Variants in YEATS4 observed in about 807,000 individuals in gnomAD.
YEATS4 encodes YEATS domain-containing protein 4.
In YEATS4, 17 loss-of-function variants were observed where a neutral mutation model predicts 30.1. The ratio of observed to expected loss-of-function variants is 0.56; its 90% CI spans 0.39 to 0.85. The LOEUF (loss-of-function observed/expected upper bound fraction) is 0.85, where lower values mean the gene tolerates loss of function less well. Ranked by LOEUF, YEATS4 falls within the 40% of genes least tolerant of loss-of-function variation. YEATS4 has a pLI of 0.00. For missense variants in YEATS4, 142 were observed against 268.3 expected (o/e 0.53, Z 3.29); for synonymous variants, 85 against 87.5 (o/e 0.97, Z 0.16).
Position 69,360,034 on chromosome 12 carries a change from G to A in YEATS4, c.51+11G>A. The A allele has an allele frequency of 6.2e-7, 1 of 1,612,274 alleles. No individual in the cohort carries two copies. Among genetic ancestry groups the A allele is most frequent in the South Asian group, 1.1e-5 (1 of 90,946 alleles). ...GGCGGGAGAGTAAAGGTCAGTGCCC[G>A]GACCGCCCCTCTTCCGGGGTGGCTC... On this transcript the variant is annotated intron_variant, in intron 1 of 6. Coordinates refer to ENST00000247843, the MANE Select transcript of YEATS4 (RefSeq NM_006530.4).
At chr12:69,361,742 A>C (rs1875218737) in intron 1 of YEATS4, among the ~76,000 whole-genome samples, 1 of 152,184 alleles carries the variant, frequency 6.6e-6, no homozygotes, top group South Asian at 2.1e-4. Flanking sequence ...TTCAATTGAA[A>C]TTTTTTATCT....
the YEATS4 span, among the ~76,000 whole-genome samples, chr12:69,416,485 A>G: frequency 6.6e-6 from 1 of 152,146 alleles, no homozygotes; most frequent in African/African-American, 2.4e-5. Flanking sequence ...GGTTATCAGA[A>G]TGGTGTTTCT....
At chr12:69,361,736 A>G (rs1345070272) in intron 1 of YEATS4, among the ~76,000 whole-genome samples, 1 of 152,200 alleles carries the variant, frequency 6.6e-6, no homozygotes, top group African/African-American at 2.4e-5. Context: ...TTTCACTTCA[A>G]TTGAAATTTT....
At chr12:69,364,119 C>G in intron 2 of YEATS4, 1 of 429,412 alleles carries the variant, frequency 2.3e-6, no homozygotes, top group South Asian at 1.6e-5. Context: ...TAAAAATGTT[C>G]TAAAATTGTA....
intron 6 of YEATS4, 96 bp downstream of exon 6, chr12:69,371,071 A>C: frequency 1.7e-6 from 2 of 1,185,868 alleles, no homozygotes; most frequent in Non-Finnish European, 2.3e-6. Context: ...AAAAAATGAA[A>C]TAGGTAAGTT....
At chr12:69,417,860 A>AGG in the YEATS4 span, among the ~76,000 whole-genome samples, 13 of 150,880 alleles carry the variant, frequency 8.6e-5, no homozygotes, top group African/African-American at 2.2e-4. Context: ...AATAGGGAAA[A>AGG]AAAAAAAAAA....
Position 69,374,075 on chromosome 12 carries a change from T to C in YEATS4, c.514+3100T>C, listed in dbSNP as rs160834. ...TCAGGTGATTCCTCCAGTTTTGTTC[T>C]TTTTGCGGAGGATAACTTAGGCTAT... is the stretch of plus-strand genomic sequence containing the variant. On this transcript the variant is annotated intron_variant, in intron 6 of 6. Transcript: ENST00000247843. Among the ~76,000 whole-genome samples, 1,224 of 152,300 alleles carry C rather than the reference T, an allele frequency of 8.0e-3. 19 individuals are homozygous for C. Among genetic ancestry groups the C allele is most frequent in the African/African-American group, 0.028 (1,162 of 41,568 alleles).
chr12:69,413,510 G>GTC, the YEATS4 span, among the ~76,000 whole-genome samples: 1 of 131,012 alleles, frequency 7.6e-6, no homozygotes, highest in East Asian at 2.4e-4. Flanking sequence ...GGTCTTCAAC[G>GTC]CCCCCCCCAT....
the YEATS4 span, among the ~76,000 whole-genome samples, chr12:69,404,360 A>G: frequency 1.9e-4 from 29 of 152,314 alleles, no homozygotes; most frequent in African/African-American, 5.3e-4. Context: ...TTTGGTTGCC[A>G]TTGTGACAGT....
At chr12:69,383,691 CT>C (rs1876166712) in intron 6 of YEATS4, among the ~76,000 whole-genome samples, 2 of 152,258 alleles carry the variant, frequency 1.3e-5, no homozygotes, top group Admixed American at 1.3e-4. Context: ...GATGGAGCTC[CT>C]TGATGACTTT....
the YEATS4 span, among the ~76,000 whole-genome samples, chr12:69,403,844 A>G: frequency 1.3e-5 from 2 of 152,168 alleles, no homozygotes; most frequent in Non-Finnish European, 2.9e-5. Context: ...CTTATTTTAT[A>G]TGACCTCTCA....
At chr12:69,375,497 G>T (rs1221939443) in intron 6 of YEATS4, among the ~76,000 whole-genome samples, 1 of 152,122 alleles carries the variant, frequency 6.6e-6, no homozygotes, top group Admixed American at 6.5e-5. Context: ...TTCCTAGACG[G>T]GGTGGCGGCC....
chr12:69,365,771 A>AT lies in YEATS4; in HGVS notation c.239-11dup, dbSNP rs11286051. On this transcript the variant is annotated intron_variant, in intron 3 of 6. Transcript: ENST00000247843. ...TAGGAAACTAAACCGATAATTTACT[A>AT]TTTTTTTTCTGTCTTTAGTTGTTAC... The AT allele has an allele frequency of 2.4e-5, 39 of 1,601,926 alleles. No homozygotes were observed. The South Asian group carries it at 2.5e-4, about 10-fold the overall frequency.
chr12:69,404,671 C>T, the YEATS4 span, among the ~76,000 whole-genome samples: 2 of 152,178 alleles, frequency 1.3e-5, no homozygotes, highest in African/African-American at 4.8e-5. Flanking sequence ...TTGTAAATTA[C>T]CCAGTCTGTT....
At position 69,359,913 on chromosome 12, in the gene YEATS4, G is replaced by C; in HGVS notation, c.-60G>C. ...CAGGAGCGCGGTCTCTGAGGGGAGCGGCGACCCCGCCAGCCCCGGTCTCTT... is the reference window on the plus strand; with the variant it reads ...CAGGAGCGCGGTCTCTGAGGGGAGCCGCGACCCCGCCAGCCCCGGTCTCTT... On this transcript the variant is annotated 5_prime_UTR_variant, in exon 1 of 7. Coordinates refer to ENST00000247843, the MANE Select transcript of YEATS4 (RefSeq NM_006530.4). 1 of 1,603,684 alleles carries C rather than the reference G, an allele frequency of 6.2e-7. No individual in the cohort carries two copies. Among genetic ancestry groups the C allele is most frequent in the Non-Finnish European group, 8.5e-7 (1 of 1,172,966 alleles).
intron 2 of YEATS4, among the ~76,000 whole-genome samples, chr12:69,364,812 G>A (rs1369976903): frequency 1.3e-5 from 2 of 152,034 alleles, no homozygotes; most frequent in Admixed American, 1.3e-4. Context: ...TAGAGATGGA[G>A]TTTCCCCATG....
chr12:69,362,685 A>AT (rs1875267230), intron 1 of YEATS4, 103 bp from the exon 2 acceptor site: 6 of 852,986 alleles, frequency 7.0e-6, no homozygotes, highest in Non-Finnish European at 1.0e-5. Context: ...CAAACTATAG[A>AT]TTGTTAGCCT....
chr12:69,396,580 A>T, the YEATS4 span, among the ~76,000 whole-genome samples: 1 of 152,330 alleles, frequency 6.6e-6, no homozygotes, highest in Middle Eastern at 3.4e-3. Flanking sequence ...CTCATGATTA[A>T]TGAGTTAAAT....
At chr12:69,386,333 C>T (rs1868250778) in intron 6 of YEATS4, among the ~76,000 whole-genome samples, 2 of 152,212 alleles carry the variant, frequency 1.3e-5, no homozygotes, top group South Asian at 4.1e-4. Context: ...TCAGGTCTCC[C>T]TGGCTAGTTT....
Sources: allele counts gnomAD v4.1 joint callset (sites outside exome capture counted in the v4.1 genomes callset), GRCh38; gene constraint gnomAD v4.1.1; transcripts MANE v1.5; gene names NCBI Gene and HGNC (gene_info 2026-07-23, HGNC 2026-07-21).